The following NT5C3A variants were observed in gnomAD, a reference collection of about 807,000 sequenced individuals.
NT5C3A encodes the protein cytosolic 5'-nucleotidase 3A.
NT5C3A carries 23 observed loss-of-function variants against 40.0 expected under a neutral mutation model. The observed-to-expected ratio is 0.58, with a 90% CI of 0.41 to 0.81. The LOEUF (loss-of-function observed/expected upper bound fraction) is 0.81. Among genes scored for constraint, NT5C3A ranks in the 40% least tolerant of loss-of-function variants. The probability of loss-of-function intolerance (pLI) is 0.00; values close to 1 mark genes in which losing one functional copy is unlikely to be tolerated. For missense variants in NT5C3A, 328 were observed against 403.0 expected (o/e 0.81, Z 1.59); for synonymous variants, 130 against 141.4 (o/e 0.92, Z 0.57).
At chr7:33,061,413 G>C (rs893298694) in intron 1 of NT5C3A, among the ~76,000 whole-genome samples, 3 of 152,060 alleles carry the variant, frequency 2.0e-5, no homozygotes, top group Admixed American at 2.0e-4. Flanking sequence ...TAAGAGACAG[G>C]GTCTCGCTAT....
chr7:33,029,900 A>G (rs1269340800), intron 1 of NT5C3A, among the ~76,000 whole-genome samples: 2 of 152,238 alleles, frequency 1.3e-5, no homozygotes, highest in Non-Finnish European at 2.9e-5. Flanking sequence ...AATGGATGAA[A>G]GAGAACCAGT....
intron 1 of NT5C3A, chr7:33,029,708 T>C (rs1002791798): frequency 7.8e-7 from 1 of 1,287,250 alleles, no homozygotes; most frequent in Non-Finnish European, 1.0e-6. Flanking sequence ...GGCTGGTTTC[T>C]GCTACACTAA....
At chr7:33,023,931 T>C (rs1264994991) in intron 3 of NT5C3A, 108 bp downstream of exon 3, 5 of 724,846 alleles carry the variant, frequency 6.9e-6, no homozygotes, top group Non-Finnish European at 1.2e-5. Flanking sequence ...TCACTGTCAA[T>C]GTCCAAGAAG....
rs1352974819 is a variant in NT5C3A at position 33,062,758 on chromosome 7, G to C, written c.-53C>G. 1.9e-6 allele frequency: 3 copies of C among 1,548,814 alleles called. No individual in the cohort carries two copies. The highest frequency in any genetic ancestry group is 2.0e-5 in the Admixed American group (1 of 50,964). Reference sequence around the variant, plus strand: ...AGGAAAAAAACAGGCAGCTCGCGTAGACTGCGAGTCTCGGAAGCGCGGGAT... The same window carrying C: ...AGGAAAAAAACAGGCAGCTCGCGTACACTGCGAGTCTCGGAAGCGCGGGAT... On this transcript the variant is annotated 5_prime_UTR_variant, in exon 1 of 9. Coordinates refer to ENST00000610140, the MANE Select transcript of NT5C3A (RefSeq NM_001002010.5).
intron 1 of NT5C3A, among the ~76,000 whole-genome samples, chr7:33,028,477 G>C (rs917925160): frequency 2.6e-5 from 4 of 152,154 alleles, no homozygotes; most frequent in Admixed American, 2.6e-4. Flanking sequence ...CAGTTATACA[G>C]CATAGGCAAT....
intron 1 of NT5C3A, among the ~76,000 whole-genome samples, chr7:33,032,147 G>A (rs1033157617): frequency 6.6e-6 from 1 of 151,838 alleles, no homozygotes; most frequent in Non-Finnish European, 1.5e-5. Flanking sequence ...AAAAAGGCCA[G>A]GCACAGTGGC....
chr7:33,052,627 T>C (rs1368578743), intron 1 of NT5C3A, among the ~76,000 whole-genome samples: 1 of 152,140 alleles, frequency 6.6e-6, no homozygotes, highest in Non-Finnish European at 1.5e-5. Flanking sequence ...TATTTTTCTA[T>C]ATCCTCATCA....
chr7:33,020,484 A>G (rs1406429113), intron 5 of NT5C3A, among the ~76,000 whole-genome samples: 3 of 152,164 alleles, frequency 2.0e-5, no homozygotes, highest in Non-Finnish European at 4.4e-5. Context: ...GCTGAAATCA[A>G]TCTTCTTATA....
At chr7:33,033,885 T>TATATAC in intron 1 of NT5C3A, among the ~76,000 whole-genome samples, 1 of 94,360 alleles carries the variant, frequency 1.1e-5, no homozygotes, top group Non-Finnish European at 2.3e-5. Context: ...GACATATATA[T>TATATAC]ATATATATAA....
At chr7:33,023,106 C>A (rs887619870) in intron 3 of NT5C3A, among the ~76,000 whole-genome samples, 1 of 151,072 alleles carries the variant, frequency 6.6e-6, no homozygotes, top group Non-Finnish European at 1.5e-5. Context: ...AAGAAAAGGT[C>A]TTATTATGTT....
intron 8 of NT5C3A, 27 bp from the exon 9 acceptor site, chr7:33,014,858 T>C (rs746728140): frequency 6.3e-7 from 1 of 1,584,204 alleles, no homozygotes; most frequent in Admixed American, 1.7e-5. Context: ...CAAAAGAAAA[T>C]TAACATGCAG....
intron 1 of NT5C3A, among the ~76,000 whole-genome samples, chr7:33,046,470 T>C (rs1251625353): frequency 6.6e-6 from 1 of 151,854 alleles, no homozygotes; most frequent in Non-Finnish European, 1.5e-5. Flanking sequence ...GCCCAGAAGG[T>C]AGAGGCTGCA....
chr7:33,055,865 C>T (rs533782423), intron 1 of NT5C3A, among the ~76,000 whole-genome samples: 4 of 152,020 alleles, frequency 2.6e-5, no homozygotes, highest in Non-Finnish European at 5.9e-5. Context: ...AATCCCAGCA[C>T]TTTGGAAGGC....
chr7:33,044,282 T>A (rs1787051217), intron 1 of NT5C3A, among the ~76,000 whole-genome samples: 1 of 152,066 alleles, frequency 6.6e-6, no homozygotes, highest in Non-Finnish European at 1.5e-5. Context: ...AGTCTATGAA[T>A]GAGTAAGAAT....
chr7:33,021,892 T>G, intron 4 of NT5C3A, 161 bp downstream of exon 4: 1 of 602,056 alleles, frequency 1.7e-6, no homozygotes. Flanking sequence ...AATGTGTAAT[T>G]CATACAGCAA....
intron 1 of NT5C3A, among the ~76,000 whole-genome samples, chr7:33,041,392 T>A (rs764499834): frequency 1.5e-4 from 23 of 152,182 alleles, no homozygotes; most frequent in Non-Finnish European, 2.9e-4. Context: ...TGGACAGTGG[T>A]TATGGTTGCA....
At chr7:33,020,655 T>C (rs17170151) in intron 5 of NT5C3A, among the ~76,000 whole-genome samples, 9,316 of 152,306 alleles carry the variant, frequency 0.061, 301 homozygotes, top group East Asian at 0.16. Flanking sequence ...TTAAAACAAG[T>C]TGTTCCTTCT....
chr7:33,039,809 G>C (rs1442404061), intron 1 of NT5C3A, among the ~76,000 whole-genome samples: 1 of 151,706 alleles, frequency 6.6e-6, no homozygotes, highest in Non-Finnish European at 1.5e-5. Flanking sequence ...AAGAGATATA[G>C]GAGGAAAGAG....
chr7:33,051,780 T>C (rs138820068), intron 1 of NT5C3A, among the ~76,000 whole-genome samples: 13 of 152,330 alleles, frequency 8.5e-5, no homozygotes, highest in African/African-American at 2.2e-4. Flanking sequence ...ACATTCCAGA[T>C]GGTATCACTT....
Sources: gnomAD v4.1 joint callset for allele counts (sites outside exome capture counted in the v4.1 genomes callset) on GRCh38, gnomAD v4.1.1 for gene constraint, MANE v1.5 for transcripts, NCBI Gene and HGNC (gene_info 2026-07-23, HGNC 2026-07-21) for gene names.